Variants in ZFHX3 observed in about 807,000 individuals in gnomAD.
The protein encoded by ZFHX3 is zinc finger homeobox 3, also known as zinc finger homeobox protein 3.
ZFHX3 carries 42 observed loss-of-function variants against 279.1 expected under a neutral mutation model. The ratio of observed to expected loss-of-function variants is 0.15; its 90% CI spans 0.12 to 0.19. The LOEUF is 0.19. Ranked by LOEUF, ZFHX3 falls within the 10% of genes least tolerant of loss-of-function variation. ZFHX3 has a pLI of 1.00. For synonymous variants in ZFHX3, 2,293 were observed against 1,957.8 expected, an observed-to-expected ratio of 1.17 and a Z score of -4.52; for missense variants, 4,981 against 4,754.0, an observed-to-expected ratio of 1.05 and a Z score of -1.40.
chr16:73,885,349 C>A (rs187591586), intron 1 of ZFHX3, among the ~76,000 whole-genome samples: 1 of 152,032 alleles, frequency 6.6e-6, no homozygotes, highest in African/African-American at 2.4e-5. Flanking sequence ...TGATTATAGC[C>A]CGATCTGGAG....
intron 1 of ZFHX3, among the ~76,000 whole-genome samples, chr16:73,805,434 G>A (rs1009904044): frequency 1.3e-5 from 2 of 152,186 alleles, no homozygotes; most frequent in Non-Finnish European, 2.9e-5. Flanking sequence ...CTCCCAAAGT[G>A]CTGGGATTAT....
chr16:72,889,495 A>G (rs974522533), intron 4 of ZFHX3, among the ~76,000 whole-genome samples: 2 of 151,892 alleles, frequency 1.3e-5, no homozygotes, highest in Non-Finnish European at 2.9e-5. Flanking sequence ...TTTAAAAAAA[A>G]AAAAAAAAAA....
At chr16:73,507,221 A>G (rs765344159) in intron 2 of ZFHX3, among the ~76,000 whole-genome samples, 1 of 152,224 alleles carries the variant, frequency 6.6e-6, no homozygotes, top group Non-Finnish European at 1.5e-5. Flanking sequence ...GTATCAGTAA[A>G]GAGGAAGAGG....
intron 3 of ZFHX3, among the ~76,000 whole-genome samples, chr16:72,926,558 C>A (rs1230389358): frequency 6.6e-6 from 1 of 152,190 alleles, no homozygotes; most frequent in African/African-American, 2.4e-5. Flanking sequence ...TTCCTTCTTC[C>A]TTTTCGGAGT....
chr16:72,870,568 G>C (rs2038135324), intron 4 of ZFHX3, among the ~76,000 whole-genome samples: 2 of 151,648 alleles, frequency 1.3e-5, no homozygotes, highest in African/African-American at 4.8e-5. Context: ...AATTAGCCGG[G>C]AGTGGTGGCA....
chr16:72,930,504 G>C (rs1393048183), intron 3 of ZFHX3, among the ~76,000 whole-genome samples: 2 of 152,052 alleles, frequency 1.3e-5, no homozygotes, highest in East Asian at 1.9e-4. Context: ...AGTATCTCGA[G>C]GCCCAAAGTC....
At chr16:72,837,474 ATTTTT>A (rs761762599) in intron 4 of ZFHX3, among the ~76,000 whole-genome samples, 3 of 125,184 alleles carry the variant, frequency 2.4e-5, no homozygotes, top group African/African-American at 5.9e-5. Flanking sequence ...TCCAATGATG[ATTTTT>A]TTTTTTTTTT....
At chr16:73,872,747 C>T (rs1349659373) in intron 1 of ZFHX3, among the ~76,000 whole-genome samples, 5 of 48,304 alleles carry the variant, frequency 1.0e-4, no homozygotes, top group Admixed American at 3.1e-4. Flanking sequence ...GTGGTGGTGG[C>T]GGGGGTTGGT....
In ZFHX3 at chr16:72,787,047, T is replaced by G. The variant is rs571094909; in HGVS notation, c.*117A>C. 3.9e-6 allele frequency: 4 copies of G among 1,017,776 alleles called. No homozygotes were observed. Among genetic ancestry groups the G allele is most frequent in the East Asian group, 3.9e-5 (1 of 25,538 alleles). The allele number at this position is 1,017,776 out of a possible 1,614,324, so 63.0% of individuals were successfully genotyped here. A position where few individuals can be genotyped will look rare whatever the true frequency, so the allele number is the denominator to read the frequency against. ...CGCTTTTTCTTTTTTTTCTTTTTTTTTTTTTTTTTGTTTTTTGGTTAGAAG... is the reference window on the plus strand; with the variant it reads ...CGCTTTTTCTTTTTTTTCTTTTTTTGTTTTTTTTTGTTTTTTGGTTAGAAG... On this transcript the variant is annotated 3_prime_UTR_variant, in exon 10 of 10. Transcript: ENST00000268489.
chr16:73,562,691 G>A (rs1379264245), intron 2 of ZFHX3, among the ~76,000 whole-genome samples: 1 of 150,520 alleles, frequency 6.6e-6, no homozygotes, highest in Admixed American at 6.6e-5. Flanking sequence ...TTTGAAAGAT[G>A]GCTTTAAAAT....
intron 2 of ZFHX3, among the ~76,000 whole-genome samples, chr16:73,537,105 A>G (rs1282290051): frequency 2.0e-5 from 3 of 152,086 alleles, no homozygotes; most frequent in African/African-American, 7.2e-5. Flanking sequence ...CTCAGTTATG[A>G]CCAATTGAAT....
chr16:73,091,007 A>C (rs9935438), intron 8 of ZFHX3, among the ~76,000 whole-genome samples: 140,062 of 151,282 alleles, frequency 0.93, 64,927 homozygotes, highest in East Asian at 1. Context: ...GTCAGGAGAT[A>C]AAGACCATCC....
At chr16:73,118,173 T>G (rs1234391065) in intron 7 of ZFHX3, among the ~76,000 whole-genome samples, 1 of 152,178 alleles carries the variant, frequency 6.6e-6, no homozygotes, top group Non-Finnish European at 1.5e-5. Flanking sequence ...CCAAGAATTC[T>G]TTCTATTGCC....
rs1959698114 is a variant in ZFHX3 at position 73,787,852 on chromosome 16, TG to T, written c.-1608+103798del. 2.3e-5 allele frequency among the ~76,000 whole-genome samples: 3 copies of T among 132,366 alleles called. No individual in the cohort carries two copies. In the Admixed American group the frequency reaches 2.3e-4, roughly 10 times the overall value. 86.8% of individuals were successfully genotyped at this position (132,366 alleles called of 152,430 possible). A position where few individuals can be genotyped will look rare whatever the true frequency, so the allele number is the denominator to read the frequency against. ...GTGTGTGTGTGTGTGTGTGTGTGTG[TG>T]AAAGAGAGAGAGAGAGAGAGAGAGA... is the stretch of plus-strand genomic sequence containing the variant. On this transcript the variant is annotated intron_variant, in intron 1 of 17. Transcript: ENST00000641206.
At chr16:73,502,072 G>A (rs1361972012) in intron 2 of ZFHX3, among the ~76,000 whole-genome samples, 1 of 152,018 alleles carries the variant, frequency 6.6e-6, no homozygotes, top group Non-Finnish European at 1.5e-5. Flanking sequence ...ACTGGAAAGT[G>A]GTTAAAGGTA....
At chr16:73,299,911 CAGAA>C (rs2015012556) in intron 4 of ZFHX3, among the ~76,000 whole-genome samples, 1 of 152,080 alleles carries the variant, frequency 6.6e-6, no homozygotes, top group Non-Finnish European at 1.5e-5. Flanking sequence ...TCTTCTGTGG[CAGAA>C]AGAAAGCATT....
intron 1 of ZFHX3, among the ~76,000 whole-genome samples, chr16:73,822,867 C>T (rs1960787477): frequency 6.6e-6 from 1 of 152,194 alleles, no homozygotes. Flanking sequence ...CATGTGCAAG[C>T]TCTTATACAA....
intron 4 of ZFHX3, among the ~76,000 whole-genome samples, chr16:72,870,486 G>T (rs1371108305): frequency 6.6e-6 from 1 of 152,080 alleles, no homozygotes. Context: ...GAGGCAGACA[G>T]ATCACGGGGT....
intron 1 of ZFHX3, among the ~76,000 whole-genome samples, chr16:73,021,501 C>T (rs559182361): frequency 6.6e-6 from 1 of 152,210 alleles, no homozygotes; most frequent in Admixed American, 6.5e-5. Context: ...TAATTTATAA[C>T]TAAATTGAGC....
Sources: gnomAD v4.1 joint callset for allele counts (sites outside exome capture counted in the v4.1 genomes callset) on GRCh38, gnomAD v4.1.1 for gene constraint, MANE v1.5 for transcripts, NCBI Gene and HGNC (gene_info 2026-07-23, HGNC 2026-07-21) for gene names.